The following MAP3K4 variants were observed in gnomAD, a reference collection of about 807,000 sequenced individuals.
MAP3K4 encodes mitogen-activated protein kinase kinase kinase 4, also known as MAP three kinase 1.
A neutral mutation model predicts 185.6 loss-of-function variants in MAP3K4; 67 were observed. That is an observed-to-expected ratio of 0.36 (90% CI 0.30 to 0.44). The LOEUF is 0.44. MAP3K4 is among the 20% of genes least tolerant of loss of function. The pLI is 1.00. For synonymous variants in MAP3K4, 702 were observed against 710.4 expected, an observed-to-expected ratio of 0.99 and a Z score of 0.19; for missense variants, 1,551 against 1,995.1, an observed-to-expected ratio of 0.78 and a Z score of 4.24.
Position 161,070,877 on chromosome 6 carries a change from T to G in MAP3K4, c.1950+27T>G. On this transcript the variant is annotated intron_variant, in intron 4 of 26. Transcript: ENST00000392142. The surrounding 1 kb of genome is among the most constrained non-coding windows in gnomAD (Gnocchi z 4.5). ...TTTGCTTCAAAGACTCTTTAAAATA[T>G]TTAGCAATTATTATATTATCCTACA... 1 of 1,563,792 alleles carries G rather than the reference T, an allele frequency of 6.4e-7. No homozygotes were observed. Among genetic ancestry groups the G allele is most frequent in the Non-Finnish European group, 8.7e-7 (1 of 1,154,564 alleles).
chr6:161,101,971 A>AGC lies in MAP3K4; in HGVS notation c.3755_3756dup (p.Pro1253AlafsTer29). On this transcript the variant is annotated frameshift_variant, in exon 18 of 27. Coordinates refer to ENST00000392142, the MANE Select transcript of MAP3K4 (RefSeq NM_005922.4). LOFTEE classifies it high-confidence loss of function. This position sits in a 1 kb window ranked among gnomAD's most constrained non-coding sequence, Gnocchi z 5.1. The stretch of plus-strand genomic sequence containing the variant: ...GTTTAGGTCCCTGAGTCGTCACTCA[A>AGC]GCCCCACGGAGGAGCGAGATGGTGA... 6.2e-7 allele frequency: 1 copy of AGC among 1,614,090 alleles called. No individual in the cohort carries two copies. The highest frequency in any genetic ancestry group is 1.1e-5 in the South Asian group (1 of 91,052).
At chr6:161,111,750 G>C (rs1311587211) in intron 23 of MAP3K4, 86 bp from the exon 24 acceptor site, 2 of 1,283,922 alleles carry the variant, frequency 1.6e-6, no homozygotes, top group African/African-American at 1.5e-5. Context: ...GCTTGTGAAT[G>C]AAGTTCCTGG....
rs1409184342 is a variant in MAP3K4, at chr6:161,061,254, A to G, written c.1708-9354A>G. Among the ~76,000 whole-genome samples the G allele has an allele frequency of 6.6e-6, 1 of 152,214 alleles. No individual in the cohort carries two copies. The highest frequency in any genetic ancestry group is 1.5e-5 in the Non-Finnish European group (1 of 68,046). ...AGATACTGACTATATTCCAAAATAG[A>G]CAATCATCTCAGTGTGATTACTGGA... On this transcript the variant is annotated intron_variant, in intron 3 of 26. Transcript: ENST00000392142. This position sits in a 1 kb window ranked among gnomAD's most constrained non-coding sequence, Gnocchi z 4.2.
chr6:161,069,863 G>A (rs950047873), intron 3 of MAP3K4, among the ~76,000 whole-genome samples: 1 of 152,012 alleles, frequency 6.6e-6, no homozygotes, highest in African/African-American at 2.4e-5. Flanking sequence ...GGAGAAGCAG[G>A]GGCCTTGGGG....
chr6:161,115,037 T>G lies in MAP3K4; in HGVS notation c.4627-86T>G. 9.7e-5 allele frequency: 118 copies of G among 1,215,974 alleles called. No homozygotes were observed. Among genetic ancestry groups the G allele is most frequent in the Non-Finnish European group, 1.3e-4 (110 of 856,268 alleles). 75.3% of individuals were successfully genotyped at this position (1,215,974 alleles called of 1,614,324 possible). ...GCTGTCCCCTGATATATATTAATGA[T>G]GAGATGCTTAAAAACAGACTGAACA... is the stretch of plus-strand genomic sequence containing the variant. On this transcript the variant is annotated intron_variant, in intron 25 of 26. Transcript: ENST00000392142. The surrounding 1 kb of genome is among the most constrained non-coding windows in gnomAD (Gnocchi z 6.0).
rs188385543 is a variant in MAP3K4, at chr6:161,110,729, C to T, written c.4396+815C>T. 3.2e-4 allele frequency among the ~76,000 whole-genome samples: 49 copies of T among 152,248 alleles called. No homozygotes were observed. In the South Asian group the frequency reaches 4.1e-3, roughly 13 times the overall value. On this transcript the variant is annotated intron_variant, in intron 23 of 26. Coordinates refer to ENST00000392142, the MANE Select transcript of MAP3K4 (RefSeq NM_005922.4). The surrounding 1 kb of genome is among the most constrained non-coding windows in gnomAD (Gnocchi z 4.8). ...CTTTGGTCTGGGTGTAAGCATTGTT[C>T]GTGCTCTGTAATGTGGCTCACCCTG...
chr6:161,067,020 A>G lies in MAP3K4; in HGVS notation c.1708-3588A>G, dbSNP rs1291010453. ...GTGGAGGGAAGCATTTACAGCGTCT[A>G]AAGCCTTTACTTACACATACCTTAA... is the stretch of plus-strand genomic sequence containing the variant. On this transcript the variant is annotated intron_variant, in intron 3 of 26. Coordinates refer to ENST00000392142, the MANE Select transcript of MAP3K4 (RefSeq NM_005922.4). The surrounding 1 kb of genome is among the most constrained non-coding windows in gnomAD (Gnocchi z 6.3). Among the ~76,000 whole-genome samples the G allele has an allele frequency of 1.3e-5, 2 of 152,224 alleles. No homozygotes were observed. The highest frequency in any genetic ancestry group is 2.9e-5 in the Non-Finnish European group (2 of 68,048).
At chr6:161,030,938 C>T (rs1212504740) in intron 1 of MAP3K4, among the ~76,000 whole-genome samples, 1 of 152,116 alleles carries the variant, frequency 6.6e-6, no homozygotes, top group Non-Finnish European at 1.5e-5. Context: ...ATTTTAATTA[C>T]GAATTATAAG....
chr6:161,037,307 C>T lies in MAP3K4; in HGVS notation c.343+2858C>T, dbSNP rs147826546. On this transcript the variant is annotated intron_variant, in intron 2 of 26. Transcript: ENST00000392142. The surrounding 1 kb of genome is among the most constrained non-coding windows in gnomAD (Gnocchi z 4.2). ...CCAGTCCTGGTTCCGCTATCTTCTG[C>T]GTATGCAGCCTCCATATCTCGTTTC... Among the ~76,000 whole-genome samples, 115 of 152,294 alleles carry T rather than the reference C, an allele frequency of 7.6e-4. No individual in the cohort carries two copies. The East Asian group carries it at 0.021, about 28-fold the overall frequency.
Position 161,115,318 on chromosome 6 carries a change from G to A in MAP3K4, c.4806+16G>A. ...GTTTGTCAAGGTTTGGCAGATTACTGGATAGTCTTTTTCATGTTTAAGTGT... is the reference window on the plus strand; with the variant it reads ...GTTTGTCAAGGTTTGGCAGATTACTAGATAGTCTTTTTCATGTTTAAGTGT... On this transcript the variant is annotated intron_variant, in intron 26 of 26. Coordinates refer to ENST00000392142, the MANE Select transcript of MAP3K4 (RefSeq NM_005922.4). The surrounding 1 kb of genome is among the most constrained non-coding windows in gnomAD (Gnocchi z 6.0). The A allele has an allele frequency of 1.3e-6, 2 of 1,593,114 alleles. No homozygotes were observed. The highest frequency in any genetic ancestry group is 2.2e-5 in the East Asian group (1 of 44,628).
Position 161,098,103 on chromosome 6 carries a change from T to C in MAP3K4, c.3525-175T>C. On this transcript the variant is annotated intron_variant, in intron 16 of 26. Transcript: ENST00000392142. The surrounding 1 kb of genome is among the most constrained non-coding windows in gnomAD (Gnocchi z 4.4). ...TGCTGTCTCAAAAAAAAGAAAAGCTTTGAAGTTAGGTTTTTTCTTTTTTAC... is the reference window on the plus strand; with the variant it reads ...TGCTGTCTCAAAAAAAAGAAAAGCTCTGAAGTTAGGTTTTTTCTTTTTTAC... The C allele has an allele frequency of 1.3e-6, 1 of 745,674 alleles. No homozygotes were observed. Among genetic ancestry groups the C allele is most frequent in the Non-Finnish European group, 2.1e-6 (1 of 466,790 alleles). 46.2% of individuals were successfully genotyped at this position (745,674 alleles called of 1,614,324 possible). A position where few individuals can be genotyped will look rare whatever the true frequency, so the allele number is the denominator to read the frequency against.
At chr6:161,085,440 G>GTA (rs1785663192) in intron 7 of MAP3K4, among the ~76,000 whole-genome samples, 2 of 152,118 alleles carry the variant, frequency 1.3e-5, no homozygotes, top group Admixed American at 6.5e-5. Flanking sequence ...ACTCTTTGTG[G>GTA]TATATATATC....
At chr6:161,042,142 G>C (rs1164041059) in intron 2 of MAP3K4, among the ~76,000 whole-genome samples, 2 of 151,408 alleles carry the variant, frequency 1.3e-5, no homozygotes, top group South Asian at 4.2e-4. Context: ...AAAATGAGCT[G>C]GCTAAGGACT....
At chr6:161,050,323 C>T (rs920658309) in intron 3 of MAP3K4, among the ~76,000 whole-genome samples, 2 of 152,176 alleles carry the variant, frequency 1.3e-5, no homozygotes, top group African/African-American at 2.4e-5. Context: ...AAAAAGTCCA[C>T]GTCACACTCA....
chr6:161,001,643 G>C (rs1005866010), intron 1 of MAP3K4, among the ~76,000 whole-genome samples: 1 of 152,186 alleles, frequency 6.6e-6, no homozygotes, highest in Admixed American at 6.5e-5. Context: ...CTAACAGCAG[G>C]TTCTTTGCTG....
rs372436998 is a variant in MAP3K4, at chr6:161,048,085, T to C, written c.344-531T>C. Among the ~76,000 whole-genome samples, 29 of 152,292 alleles carry C rather than the reference T, an allele frequency of 1.9e-4. 1 individual carries two copies. The South Asian group carries it at 5.8e-3, about 30-fold the overall frequency. On this transcript the variant is annotated intron_variant, in intron 2 of 26. Transcript: ENST00000392142. The surrounding 1 kb of genome is among the most constrained non-coding windows in gnomAD (Gnocchi z 4.7). Reference sequence around the variant, plus strand: ...TTTTTGTCTGTCAACTGTCTTTCAGTTTTTTATGAGAATAATCTTAGGGTG... The same window carrying C: ...TTTTTGTCTGTCAACTGTCTTTCAGCTTTTTATGAGAATAATCTTAGGGTG...
At position 161,109,934 on chromosome 6, in the gene MAP3K4, G is replaced by C. The variant is rs1436159548; in HGVS notation, c.4396+20G>C. On this transcript the variant is annotated intron_variant, in intron 23 of 26. Transcript: ENST00000392142. This position sits in a 1 kb window ranked among gnomAD's most constrained non-coding sequence, Gnocchi z 5.7. ...TTAAAGGTAATCCCACACCCGCCTGGCTGCTGTGGGCCAGAGCCACTGGTA... is the reference window on the plus strand; with the variant it reads ...TTAAAGGTAATCCCACACCCGCCTGCCTGCTGTGGGCCAGAGCCACTGGTA... 1.2e-6 allele frequency: 2 copies of C among 1,611,964 alleles called. No homozygotes were observed. Among genetic ancestry groups the C allele is most frequent in the Non-Finnish European group, 1.7e-6 (2 of 1,179,338 alleles).
chr6:161,014,268 G>T (rs1781979072), intron 1 of MAP3K4, among the ~76,000 whole-genome samples: 1 of 152,218 alleles, frequency 6.6e-6, no homozygotes, highest in African/African-American at 2.4e-5. Flanking sequence ...TTGTACCACT[G>T]GGTATTATAT....
At chr6:161,092,622 C>T (rs1034669821) in intron 13 of MAP3K4, among the ~76,000 whole-genome samples, 1 of 146,112 alleles carries the variant, frequency 6.8e-6, no homozygotes, top group East Asian at 1.9e-4. Context: ...TAAGCAATTT[C>T]TCCAAGTTAG....
Sources: allele counts gnomAD v4.1 joint callset (sites outside exome capture counted in the v4.1 genomes callset), GRCh38; gene constraint gnomAD v4.1.1; non-coding constraint Gnocchi (gnomAD v3.1); transcripts MANE v1.5; gene names NCBI Gene and HGNC (gene_info 2026-07-23, HGNC 2026-07-21).